The following SDC3 variants were observed in gnomAD, a reference collection of about 807,000 sequenced individuals.
SDC3 encodes syndecan 3.
SDC3 carries 13 observed loss-of-function variants against 24.4 expected under a neutral mutation model. That is an observed-to-expected ratio of 0.53 (90% CI 0.35 to 0.85). The LOEUF (loss-of-function observed/expected upper bound fraction) is 0.85. Ranked by LOEUF, SDC3 falls within the 40% of genes least tolerant of loss-of-function variation. SDC3 has a pLI of 0.01. For missense variants in SDC3, 571 were observed against 584.5 expected (o/e 0.98, Z 0.24); for synonymous variants, 295 against 260.9 (o/e 1.13, Z -1.26).
At chr1:30,906,957 G>C (rs984720390) in intron 1 of SDC3, among the ~76,000 whole-genome samples, 14 of 152,122 alleles carry the variant, frequency 9.2e-5, no homozygotes, top group African/African-American at 3.1e-4. Context: ...CTTCACACAG[G>C]TCAGCCCTCA....
In SDC3 at chr1:30,869,679, G is replaced by A. The variant is rs997627183; in HGVS notation, c.*3532C>T. 5.0e-6 allele frequency: 2 copies of A among 398,266 alleles called. No homozygotes were observed. Among genetic ancestry groups the A allele is most frequent in the Non-Finnish European group, 8.8e-6 (2 of 226,108 alleles). 24.7% of individuals were successfully genotyped at this position (398,266 alleles called of 1,614,324 possible). A position where few individuals can be genotyped will look rare whatever the true frequency, so the allele number is the denominator to read the frequency against. ...TTTTGTTTTTCTTATTTAAGGTTTTGGCCATGAACTCAGGACAGGTATGGT... is the reference window on the plus strand; with the variant it reads ...TTTTGTTTTTCTTATTTAAGGTTTTAGCCATGAACTCAGGACAGGTATGGT... On this transcript the variant is annotated 3_prime_UTR_variant, in exon 5 of 5. Coordinates refer to ENST00000339394, the MANE Select transcript of SDC3 (RefSeq NM_014654.4).
intron 1 of SDC3, among the ~76,000 whole-genome samples, chr1:30,887,398 GTCC>G (rs1206315192): frequency 6.6e-6 from 1 of 152,118 alleles, no homozygotes; most frequent in Non-Finnish European, 1.5e-5. Flanking sequence ...GCCTCGCTCT[GTCC>G]TCCTATGAAA....
At chr1:30,909,011 G>A (rs1196095302), upstream of SDC3, among the ~76,000 whole-genome samples, 2 of 151,972 alleles carry the variant, frequency 1.3e-5, no homozygotes, top group East Asian at 2.0e-4. Flanking sequence ...GAGCCCGCCG[G>A]ACGCACCTCC....
Position 30,874,432 on chromosome 1 carries a change from C to A in SDC3, c.1027G>T (p.Ala343Ser), listed in dbSNP as rs754452139. Residue 343 changes from alanine (A) to serine (S), a missense_variant, in exon 4 of 5, where the codon GCA (alanine) becomes TCA (serine). Ala to Ser is a moderately conservative substitution (Grantham distance 99, BLOSUM62 1). Around this residue, in one of 2 missense-constraint regions of SDC3, gnomAD observed 497 missense variants for 471.6 expected, o/e 1.05. Coordinates refer to ENST00000339394, the MANE Select transcript of SDC3 (RefSeq NM_014654.4). ...GGCAGTGTCCCAGGTGGAGATGATGCCTTGGCCGCAGCCCCTCCCACAGCT... is the reference window on the plus strand; with the variant it reads ...GGCAGTGTCCCAGGTGGAGATGATGACTTGGCCGCAGCCCCTCCCACAGCT... ...VVAVGGAAAK[A>S]SSPPGTLPKG... is the part of the protein sequence containing the mutation. 3 of 1,614,198 alleles carry A rather than the reference C, an allele frequency of 1.9e-6. No individual in the cohort carries two copies. The highest frequency in any genetic ancestry group is 2.5e-6 in the Non-Finnish European group (3 of 1,180,026).
At chr1:30,909,496 G>A (rs1638609947), upstream of SDC3, among the ~76,000 whole-genome samples, 1 of 152,200 alleles carries the variant, frequency 6.6e-6, no homozygotes, top group Non-Finnish European at 1.5e-5. Context: ...GCAGGATGGC[G>A]AGAAAAGTAC....
intron 1 of SDC3, among the ~76,000 whole-genome samples, chr1:30,885,100 A>G (rs966850317): frequency 2.0e-5 from 3 of 152,172 alleles, no homozygotes; most frequent in Non-Finnish European, 4.4e-5. Flanking sequence ...TGGCTCTCTC[A>G]ATTCCGATGT....
At chr1:30,894,501 A>G (rs1419717019) in intron 1 of SDC3, among the ~76,000 whole-genome samples, 3 of 48,738 alleles carry the variant, frequency 6.2e-5, no homozygotes, top group African/African-American at 2.4e-4. Context: ...GTGGGGGGTG[A>G]GTATGAGTGG....
chr1:30,891,602 G>A (rs1639904961), intron 1 of SDC3, among the ~76,000 whole-genome samples: 1 of 152,190 alleles, frequency 6.6e-6, no homozygotes. Flanking sequence ...AGGAGGCCAG[G>A]AGCAGTGGCT....
At position 30,874,587 on chromosome 1, in the gene SDC3, G is replaced by C; in HGVS notation, c.872C>G (p.Thr291Ser). Residue 291 changes from threonine (T) to serine (S), a missense_variant and splice_region_variant, in exon 4 of 5, where the codon ACC becomes AGC. Thr to Ser is a moderately conservative substitution (Grantham distance 58, BLOSUM62 1). Around this residue, in one of 2 missense-constraint regions of SDC3, gnomAD observed 497 missense variants for 471.6 expected, o/e 1.05. Transcript: ENST00000339394. ...GGTCAGGAAGGTCTCTGGAGTTGGG[G>C]TCTGCAGAGAGGGTGGCATGAGCCC... is the stretch of plus-strand genomic sequence containing the variant. ...TAPGPTEVAQTPTPETFLTTI... is the reference protein window; with the variant it reads ...TAPGPTEVAQSPTPETFLTTI... 6.2e-7 allele frequency: 1 copy of C among 1,613,690 alleles called. No homozygotes were observed. The highest frequency in any genetic ancestry group is 1.7e-4 in the Middle Eastern group (1 of 6,056).
At chr1:30,903,118 C>A (rs187691467) in intron 1 of SDC3, among the ~76,000 whole-genome samples, 185 of 152,328 alleles carry the variant, frequency 1.2e-3, no homozygotes, top group African/African-American at 4.2e-3. Flanking sequence ...AGTCACACCC[C>A]ATCTCTAAGC....
intron 1 of SDC3, among the ~76,000 whole-genome samples, chr1:30,901,293 T>C (rs1638409932): frequency 6.6e-6 from 1 of 152,098 alleles, no homozygotes; most frequent in Admixed American, 6.5e-5. Flanking sequence ...GCTGGCCATC[T>C]CTCTAGGACT....
rs71644190 is a variant in SDC3, at chr1:30,869,549, A to C, written c.*3662T>G. On this transcript the variant is annotated 3_prime_UTR_variant, in exon 5 of 5. Coordinates refer to ENST00000339394, the MANE Select transcript of SDC3 (RefSeq NM_014654.4). Reference sequence around the variant, plus strand: ...AAAACAAACAAACAAAAAAAAAAAAAAAAAAAAAAAAACAAAAACAAAACC... The same window carrying C: ...AAAACAAACAAACAAAAAAAAAAAACAAAAAAAAAAAACAAAAACAAAACC... 7.4e-5 allele frequency: 29 copies of C among 392,926 alleles called. No individual in the cohort carries two copies. In the East Asian group the frequency reaches 9.9e-4, roughly 13 times the overall value. The allele number at this position is 392,926 out of a possible 1,614,324, so 24.3% of individuals were successfully genotyped here. A position where few individuals can be genotyped will look rare whatever the true frequency, so the allele number is the denominator to read the frequency against.
intron 3 of SDC3, among the ~76,000 whole-genome samples, chr1:30,874,809 T>C (rs1053142105): frequency 6.6e-6 from 1 of 152,198 alleles, no homozygotes; most frequent in African/African-American, 2.4e-5. Flanking sequence ...AGCTAGTAAG[T>C]GGGGGACAGA....
At chr1:30,901,654 C>A (rs949022399) in intron 1 of SDC3, among the ~76,000 whole-genome samples, 3 of 151,984 alleles carry the variant, frequency 2.0e-5, no homozygotes, top group Non-Finnish European at 4.4e-5. Flanking sequence ...TCTAAGGGTA[C>A]CCCCACCCCC....
At position 30,873,145 on chromosome 1, in the gene SDC3, G is replaced by C; in HGVS notation, c.*66C>G. ...CAGGCCCAGTCCCAGGCTTGGGCTG[G>C]TGGGGCCAGGCTGGGGACTGGACAG... On this transcript the variant is annotated 3_prime_UTR_variant, in exon 5 of 5. Coordinates refer to ENST00000339394, the MANE Select transcript of SDC3 (RefSeq NM_014654.4). 1 of 1,227,702 alleles carries C rather than the reference G, an allele frequency of 8.1e-7. No homozygotes were observed. The highest frequency in any genetic ancestry group is 1.2e-6 in the Non-Finnish European group (1 of 839,044). The allele number at this position is 1,227,702 out of a possible 1,614,324, so 76.1% of individuals were successfully genotyped here. A position where few individuals can be genotyped will look rare whatever the true frequency, so the allele number is the denominator to read the frequency against.
At chr1:30,876,333 T>A (rs558997867) in intron 3 of SDC3, among the ~76,000 whole-genome samples, 1 of 152,192 alleles carries the variant, frequency 6.6e-6, no homozygotes, top group South Asian at 2.1e-4. Context: ...TCCCCACCAA[T>A]GTCCCATCCC....
chr1:30,908,754 C>T lies in SDC3; in HGVS notation c.-168G>A, dbSNP rs1362295320. 9.1e-5 allele frequency: 14 copies of T among 154,222 alleles called. No homozygotes were observed. The highest frequency in any genetic ancestry group is 1.8e-4 in the Non-Finnish European group (13 of 73,416). The allele number at this position is 154,222 out of a possible 1,614,324, so 9.6% of individuals were successfully genotyped here. On this transcript the variant is annotated 5_prime_UTR_variant, in exon 1 of 5. Transcript: ENST00000339394. ...CCCGGCTCCGCCTCGCAGCTCCGCG[C>T]CCACAGCGGCCGCGCCCGCAGGAAG...
chr1:30,894,349 G>A (rs1487498833), intron 1 of SDC3, among the ~76,000 whole-genome samples: 1 of 82,462 alleles, frequency 1.2e-5, no homozygotes, highest in African/African-American at 4.8e-5. Flanking sequence ...GGGGTGTGTG[G>A]ATGAGTGTGT....
At chr1:30,885,771 G>C (rs1000613380) in intron 1 of SDC3, among the ~76,000 whole-genome samples, 1 of 151,974 alleles carries the variant, frequency 6.6e-6, no homozygotes, top group Non-Finnish European at 1.5e-5. Context: ...ACACCCACCC[G>C]CCCGCCTTCT....
Sources: gnomAD v4.1 joint callset for allele counts (sites outside exome capture counted in the v4.1 genomes callset) on GRCh38, gnomAD v4.1.1 for gene constraint, gnomAD v4.1.1 regional missense constraint, MANE v1.5 for transcripts, NCBI Gene and HGNC (gene_info 2026-07-23, HGNC 2026-07-21) for gene names.